The following ABL2 variants were observed in gnomAD, a reference collection of about 807,000 sequenced individuals.
ABL2 encodes ABL proto-oncogene 2, non-receptor tyrosine kinase.
Under a neutral mutation model 107.7 loss-of-function variants are expected in ABL2, and 49 were observed. That is an observed-to-expected ratio of 0.45 (90% CI 0.36 to 0.58). The LOEUF is 0.58. Ranked by LOEUF, ABL2 falls within the 20% of genes least tolerant of loss-of-function variation. ABL2 has a pLI of 0.00. For missense variants in ABL2, 1,245 were observed against 1,457.0 expected, an observed-to-expected ratio of 0.85 and a Z score of 2.37; for synonymous variants, 549 against 548.6, an observed-to-expected ratio of 1.00 and a Z score of -0.01.
At chr1:179,134,270 G>A (rs1412693704) in intron 1 of ABL2, among the ~76,000 whole-genome samples, 1 of 152,204 alleles carries the variant, frequency 6.6e-6, no homozygotes, top group Admixed American at 6.5e-5. Flanking sequence ...GCTTCAGCCA[G>A]GCACGGTGGC....
chr1:179,227,146 A>G (rs1663262486), intron 1 of ABL2, among the ~76,000 whole-genome samples: 1 of 152,192 alleles, frequency 6.6e-6, no homozygotes, highest in Non-Finnish European at 1.5e-5. Context: ...CAGCCTATCA[A>G]AATTTTCTTT....
Position 179,105,591 on chromosome 1 carries a change from T to C in ABL2, c.*2127A>G, listed in dbSNP as rs1057444542. On this transcript the variant is annotated 3_prime_UTR_variant, in exon 12 of 12. Coordinates refer to ENST00000502732, the MANE Select transcript of ABL2 (RefSeq NM_007314.4). ...GGAGGAGATGAACCCAATCACTAGC[T>C]GCCTGTGCTGCAACTGCAGGTGACA... The C allele has an allele frequency of 2.6e-5, 6 of 228,742 alleles. No individual in the cohort carries two copies. Among genetic ancestry groups the C allele is most frequent in the Non-Finnish European group, 4.3e-5 (5 of 115,350 alleles). 14.2% of individuals were successfully genotyped at this position (228,742 alleles called of 1,614,324 possible).
At chr1:179,209,786 G>GGAGATTCAGAGAAATTCA (rs1447399700) in intron 1 of ABL2, among the ~76,000 whole-genome samples, 1 of 152,092 alleles carries the variant, frequency 6.6e-6, no homozygotes, top group Non-Finnish European at 1.5e-5. Context: ...CAAACCAGCA[G>GGAGATTCAGAGAAATTCA]GAGATTCAGA....
In ABL2 at chr1:179,196,772, C is replaced by CA. The variant is rs1404439308; in HGVS notation, c.157+32468dup. Reference sequence around the variant, plus strand: ...GTGAAACTCAGTCTTAAAAAACAAACAAACAAAAAAAAACAAAAAAAAAAA... The same window carrying CA: ...GTGAAACTCAGTCTTAAAAAACAAACAAAACAAAAAAAAACAAAAAAAAAAA... On this transcript the variant is annotated intron_variant, in intron 1 of 11. Coordinates refer to ENST00000502732, the MANE Select transcript of ABL2 (RefSeq NM_007314.4). Among the ~76,000 whole-genome samples, 467 of 132,128 alleles carry CA rather than the reference C, an allele frequency of 3.5e-3. 3 individuals carry two copies. The highest frequency in any genetic ancestry group is 5.9e-3 in the Non-Finnish European group (358 of 60,630). The allele number at this position is 132,128 out of a possible 152,430, so 86.7% of individuals were successfully genotyped here. A position where few individuals can be genotyped will look rare whatever the true frequency, so the allele number is the denominator to read the frequency against.
chr1:179,202,115 A>C (rs910587910), intron 1 of ABL2, among the ~76,000 whole-genome samples: 1 of 152,042 alleles, frequency 6.6e-6, no homozygotes, highest in Non-Finnish European at 1.5e-5. Context: ...TAATCTCAGC[A>C]CACTGGGATA....
chr1:179,102,941 T>TC lies in ABL2; in HGVS notation c.*4776dup, dbSNP rs1653226497. The TC allele has an allele frequency of 8.9e-6, 2 of 225,514 alleles. No individual in the cohort carries two copies. The highest frequency in any genetic ancestry group is 2.2e-5 in the African/African-American group (1 of 44,888). The allele number at this position is 225,514 out of a possible 1,614,324, so 14.0% of individuals were successfully genotyped here. The stretch of plus-strand genomic sequence containing the variant: ...TGCACTGGTTTTATGGCCATCCACC[T>TC]CCCCCTGTAAACCTAACAAAACTAT... On this transcript the variant is annotated 3_prime_UTR_variant, in exon 12 of 12. Transcript: ENST00000502732.
intron 8 of ABL2, among the ~76,000 whole-genome samples, chr1:179,116,171 C>T (rs12079529): frequency 0.014 from 2,069 of 152,268 alleles, 67 homozygotes; most frequent in African/African-American, 0.046. Context: ...GTCAGGAGTT[C>T]GAGACCAGCC....
intron 1 of ABL2, among the ~76,000 whole-genome samples, chr1:179,203,496 T>C (rs1216804872): frequency 2.6e-5 from 4 of 152,154 alleles, no homozygotes; most frequent in African/African-American, 7.2e-5. Context: ...CAAGTATTAT[T>C]ATCCCAAAGA....
intron 1 of ABL2, among the ~76,000 whole-genome samples, chr1:179,160,646 G>T (rs1246891107): frequency 1.3e-5 from 2 of 150,030 alleles, no homozygotes; most frequent in Non-Finnish European, 3.0e-5. Flanking sequence ...ACTGAGATAT[G>T]AGTCTTTTAA....
intron 1 of ABL2, among the ~76,000 whole-genome samples, chr1:179,173,728 A>C (rs1006391142): frequency 6.6e-6 from 1 of 152,180 alleles, no homozygotes; most frequent in African/African-American, 2.4e-5. Context: ...TTAGGCAGAG[A>C]ATCTACAGAT....
intron 1 of ABL2, among the ~76,000 whole-genome samples, chr1:179,208,591 T>A (rs1662106206): frequency 6.6e-6 from 1 of 152,226 alleles, no homozygotes; most frequent in South Asian, 2.1e-4. Flanking sequence ...CCCTCAGATG[T>A]AGCAGAGAAT....
At chr1:179,153,778 C>G (rs2102736541) in intron 1 of ABL2, among the ~76,000 whole-genome samples, 1 of 152,266 alleles carries the variant, frequency 6.6e-6, no homozygotes, top group South Asian at 2.1e-4. Context: ...CCTACCATAG[C>G]TCCCAAATGT....
chr1:179,110,410 A>G lies in ABL2; in HGVS notation c.1697T>C (p.Val566Ala). 2 of 1,614,106 alleles carry G rather than the reference A, an allele frequency of 1.2e-6. No individual in the cohort carries two copies. Among genetic ancestry groups the G allele is most frequent in the Non-Finnish European group, 1.7e-6 (2 of 1,180,014 alleles). Residue 566 changes from valine to alanine, a missense_variant, in exon 11 of 12, where the codon GTT becomes GCT. By Grantham distance (64) the Val-to-Ala change is moderately conservative (BLOSUM62 0). This residue lies in a region of ABL2 where 761 missense variants were observed against 766.4 expected (regional missense o/e 0.99). Coordinates refer to ENST00000502732, the MANE Select transcript of ABL2 (RefSeq NM_007314.4). ...LGRAASSSSV[V>A]PYLPRLPILP... ...TATAGGTAGCCGGGGCAGGTATGGA[A>G]CAACAGATGACGAGGAGGCGGCTCT...
chr1:179,197,766 G>A (rs1661405165), intron 1 of ABL2, among the ~76,000 whole-genome samples: 1 of 151,784 alleles, frequency 6.6e-6, no homozygotes, highest in African/African-American at 2.4e-5. Flanking sequence ...CTAATCGGGA[G>A]GCTAAGACAG....
At chr1:179,215,755 CA>C (rs1662528679) in intron 1 of ABL2, among the ~76,000 whole-genome samples, 2 of 150,834 alleles carry the variant, frequency 1.3e-5, no homozygotes, top group South Asian at 4.2e-4. Context: ...GCTACTGTAA[CA>C]AAAACCTTCA....
At chr1:179,171,142 C>CAGTTT (rs771481713) in intron 1 of ABL2, among the ~76,000 whole-genome samples, 2 of 152,190 alleles carry the variant, frequency 1.3e-5, no homozygotes, top group Non-Finnish European at 2.9e-5. Flanking sequence ...AAACTCTGAG[C>CAGTTT]AACTATTCTT....
intron 1 of ABL2, among the ~76,000 whole-genome samples, chr1:179,187,267 A>G (rs1362513733): frequency 6.6e-6 from 1 of 152,240 alleles, no homozygotes; most frequent in Non-Finnish European, 1.5e-5. Flanking sequence ...CAAACATATT[A>G]TTCTGTCAGT....
At chr1:179,157,487 A>G (rs1401909832) in intron 1 of ABL2, among the ~76,000 whole-genome samples, 4 of 151,676 alleles carry the variant, frequency 2.6e-5, no homozygotes, top group African/African-American at 9.7e-5. Flanking sequence ...ACAGAGGGAG[A>G]CTGTCTCAAA....
intron 1 of ABL2, among the ~76,000 whole-genome samples, chr1:179,143,471 A>C (rs912311989): frequency 6.6e-6 from 1 of 152,248 alleles, no homozygotes; most frequent in African/African-American, 2.4e-5. Flanking sequence ...CTTTTAAAAG[A>C]AAGGAAACGC....
Sources: gnomAD v4.1 joint callset for allele counts (sites outside exome capture counted in the v4.1 genomes callset) on GRCh38, gnomAD v4.1.1 for gene constraint, gnomAD v4.1.1 regional missense constraint, MANE v1.5 for transcripts, NCBI Gene and HGNC (gene_info 2026-07-23, HGNC 2026-07-21) for gene names.